Variants in SLC47A2 observed in about 807,000 individuals in gnomAD.
The protein encoded by SLC47A2 is multidrug and toxin extrusion protein 2.
A neutral mutation model predicts 67.7 loss-of-function variants in SLC47A2; 52 were observed. That is an observed-to-expected ratio of 0.77 (90% CI 0.61 to 0.97). The LOEUF is 0.97. Ranked by LOEUF, SLC47A2 falls within the 50% of genes least tolerant of loss-of-function variation. SLC47A2 has a pLI of 0.00. For synonymous variants in SLC47A2, 278 were observed against 292.9 expected (o/e 0.95, Z 0.52); for missense variants, 676 against 712.3 (o/e 0.95, Z 0.58).
chr17:19,688,851 C>T (rs1181597813), intron 13 of SLC47A2, among the ~76,000 whole-genome samples: 1 of 149,710 alleles, frequency 6.7e-6, no homozygotes, highest in Non-Finnish European at 1.5e-5. Flanking sequence ...AGTCACTGTG[C>T]CCCGCTGGTG....
intron 13 of SLC47A2, among the ~76,000 whole-genome samples, chr17:19,687,323 C>T (rs530300078): frequency 2.0e-4 from 31 of 152,152 alleles, no homozygotes; most frequent in African/African-American, 5.5e-4. Flanking sequence ...TAAACACCTA[C>T]GTCAAAAAGT....
intron 13 of SLC47A2, among the ~76,000 whole-genome samples, chr17:19,699,121 C>G (rs542231270): frequency 2.0e-5 from 3 of 151,678 alleles, no homozygotes; most frequent in African/African-American, 7.3e-5. Flanking sequence ...AAGAGAGAGC[C>G]CAGAAATAGA....
At chr17:19,708,535 C>T (rs370927222) in intron 6 of SLC47A2, 136 bp from the exon 7 acceptor site, 33 of 1,609,806 alleles carry the variant, frequency 2.0e-5, no homozygotes, top group Middle Eastern at 1.7e-4. Context: ...GAGGCTGGGA[C>T]GCACAGCCTC....
At position 19,708,762 on chromosome 17, in the gene SLC47A2, T is replaced by G. The variant is rs1256934081; in HGVS notation, c.487-2A>C. On this transcript the variant is annotated splice_acceptor_variant, in intron 5 of 16. Coordinates refer to ENST00000433844, the MANE Select transcript of SLC47A2 (RefSeq NM_001099646.3). LOFTEE classifies it high-confidence loss of function. The stretch of plus-strand genomic sequence containing the variant: ...CAGCAGATTGTAAAGAAAAATCACC[T>G]GTATGAAAAGCAAACCCAAACAAAT... 6.2e-7 allele frequency: 1 copy of G among 1,613,984 alleles called. No homozygotes were observed. The highest frequency in any genetic ancestry group is 8.5e-7 in the Non-Finnish European group (1 of 1,180,034).
chr17:19,694,204 A>AT (rs2085607845), intron 13 of SLC47A2, among the ~76,000 whole-genome samples: 1 of 152,194 alleles, frequency 6.6e-6, no homozygotes, highest in Non-Finnish European at 1.5e-5. Flanking sequence ...GTCCAAATTG[A>AT]TCTATAGATT....
chr17:19,712,229 A>T (rs1024283123), intron 5 of SLC47A2, among the ~76,000 whole-genome samples: 1 of 152,150 alleles, frequency 6.6e-6, no homozygotes, highest in Non-Finnish European at 1.5e-5. Flanking sequence ...CTACTAAAAA[A>T]TACAAAAATT....
intron 2 of SLC47A2, 63 bp from the exon 3 acceptor site, chr17:19,714,852 A>G (rs2086207355): frequency 4.4e-6 from 7 of 1,604,864 alleles, no homozygotes; most frequent in Non-Finnish European, 6.0e-6. Context: ...AGGCCCCTGC[A>G]TCTGGGCTGA....
In SLC47A2 at chr17:19,701,301, C is replaced by T. The variant is rs117130005; in HGVS notation, c.1164+1304G>A. On this transcript the variant is annotated intron_variant, in intron 13 of 16. Transcript: ENST00000433844. ...ACACAGCCCAGAGAGGGAATTTCTG[C>T]TGAGGCTAAGAACATGTGGCCCGAG... 6.7e-3 allele frequency among the ~76,000 whole-genome samples: 1,027 copies of T among 152,166 alleles called. 6 individuals carry two copies. Among genetic ancestry groups the T allele is most frequent in the Non-Finnish European group, 9.9e-3 (676 of 68,026 alleles).
At chr17:19,711,577 A>G in intron 5 of SLC47A2, among the ~76,000 whole-genome samples, 1 of 146,642 alleles carries the variant, frequency 6.8e-6, no homozygotes. Context: ...TGACAGAGCA[A>G]AACTCCGTCT....
chr17:19,701,681 G>A (rs2085790066), intron 13 of SLC47A2, among the ~76,000 whole-genome samples: 1 of 152,162 alleles, frequency 6.6e-6, no homozygotes, highest in Non-Finnish European at 1.5e-5. Flanking sequence ...TTGTTTTCTT[G>A]TGTTTTTAAA....
Position 19,707,122 on chromosome 17 carries a change from G to A in SLC47A2, c.728-361C>T, listed in dbSNP as rs560674524. Among the ~76,000 whole-genome samples, 240 of 152,132 alleles carry A rather than the reference G, an allele frequency of 1.6e-3. 1 individual carries two copies. The highest frequency in any genetic ancestry group is 2.9e-3 in the Non-Finnish European group (196 of 67,994). Reference sequence around the variant, plus strand: ...GCCTCCCTGGGGAGTTTTCAGAGGCGGCATGAGATCAAGGATGCTGAAGGG... The same window carrying A: ...GCCTCCCTGGGGAGTTTTCAGAGGCAGCATGAGATCAAGGATGCTGAAGGG... On this transcript the variant is annotated intron_variant, in intron 8 of 16. Coordinates refer to ENST00000433844, the MANE Select transcript of SLC47A2 (RefSeq NM_001099646.3).
rs1189610625 is a variant in SLC47A2 at position 19,682,878 on chromosome 17, AT to A, written c.1165-1209del. ...CTCTGGAAAAAGTACTGTTTATTTC[AT>A]TAGTCTCATTTTCCCAACGTGATTC... On this transcript the variant is annotated intron_variant, in intron 13 of 16. Coordinates refer to ENST00000433844, the MANE Select transcript of SLC47A2 (RefSeq NM_001099646.3). 2.0e-5 allele frequency among the ~76,000 whole-genome samples: 3 copies of A among 152,276 alleles called. No individual in the cohort carries two copies. In the East Asian group the frequency reaches 5.8e-4, roughly 29 times the overall value.
At chr17:19,692,097 G>A (rs751536570) in intron 13 of SLC47A2, among the ~76,000 whole-genome samples, 1 of 151,988 alleles carries the variant, frequency 6.6e-6, no homozygotes, top group Admixed American at 6.6e-5. Context: ...ATGTGGTGGT[G>A]GGCACCTGTA....
At chr17:19,704,587 T>C in intron 10 of SLC47A2, 1 of 1,404,118 alleles carries the variant, frequency 7.1e-7, no homozygotes, top group African/African-American at 1.5e-5. Flanking sequence ...AAATTGATTT[T>C]GTAATGTAGA....
chr17:19,681,681 A>T lies in SLC47A2; in HGVS notation c.1165-11T>A, dbSNP rs749440413. ...TCCGCCATAGACACACTAGGAGGGG[A>T]GACAGAAATGGGCAAGAGTCAGGAT... is the stretch of plus-strand genomic sequence containing the variant. On this transcript the variant is annotated splice_polypyrimidine_tract_variant and intron_variant, in intron 13 of 16. Coordinates refer to ENST00000433844, the MANE Select transcript of SLC47A2 (RefSeq NM_001099646.3). 1.3e-5 allele frequency: 21 copies of T among 1,604,774 alleles called. No individual in the cohort carries two copies. In the Admixed American group the frequency reaches 3.5e-4, roughly 27 times the overall value.
chr17:19,690,752 T>C (rs975720283), intron 13 of SLC47A2, among the ~76,000 whole-genome samples: 2 of 152,088 alleles, frequency 1.3e-5, no homozygotes, highest in Admixed American at 6.6e-5. Flanking sequence ...TGAGATATCA[T>C]CTCACCCCAG....
At chr17:19,698,868 AT>A (rs1481886447) in intron 13 of SLC47A2, among the ~76,000 whole-genome samples, 1 of 152,358 alleles carries the variant, frequency 6.6e-6, no homozygotes, top group African/African-American at 2.4e-5. Context: ...CAATAAAAAA[AT>A]AAACAGCATA....
chr17:19,702,971 G>C, intron 12 of SLC47A2, 121 bp downstream of exon 12: 1 of 1,141,894 alleles, frequency 8.8e-7, no homozygotes, highest in Non-Finnish European at 1.3e-6. Context: ...TGAGAGCCAA[G>C]CCTGGGCTCT....
rs549053653 is a variant in SLC47A2 at position 19,705,722 on chromosome 17, C to T, written c.842-219G>A. Among the ~76,000 whole-genome samples, 6 of 152,254 alleles carry T rather than the reference C, an allele frequency of 3.9e-5. No individual in the cohort carries two copies. The East Asian group carries it at 1.2e-3, about 29-fold the overall frequency. ...TAGGTGATCCTCCCACCTCAGGCCCCCAAGTAGCTGGGACTACAGGTGGTG... is the reference window on the plus strand; with the variant it reads ...TAGGTGATCCTCCCACCTCAGGCCCTCAAGTAGCTGGGACTACAGGTGGTG... On this transcript the variant is annotated intron_variant, in intron 9 of 16. Coordinates refer to ENST00000433844, the MANE Select transcript of SLC47A2 (RefSeq NM_001099646.3).
Sources: gnomAD v4.1 joint callset for allele counts (sites outside exome capture counted in the v4.1 genomes callset) on GRCh38, gnomAD v4.1.1 for gene constraint, MANE v1.5 for transcripts, NCBI Gene and HGNC (gene_info 2026-07-23, HGNC 2026-07-21) for gene names.